TRDN: variants seen among roughly 807,000 people sequenced by gnomAD.
The protein encoded by TRDN is triadin in skeletal muscle.
TRDN carries 161 observed loss-of-function variants against 149.7 expected under a neutral mutation model. That is an observed-to-expected ratio of 1.08 (90% CI 0.95 to 1.23). The LOEUF (loss-of-function observed/expected upper bound fraction) is 1.23. Among genes scored for constraint, TRDN ranks in the 50% most tolerant of loss-of-function variants. The pLI, the probability that TRDN is intolerant of heterozygous loss-of-function variation, is 0.00. For missense variants in TRDN, 896 were observed against 823.5 expected (o/e 1.09, Z -1.08); for synonymous variants, 294 against 250.5 (o/e 1.17, Z -1.64).
intron 1 of TRDN, among the ~76,000 whole-genome samples, chr6:123,588,185 G>A (rs535259009): frequency 8.5e-4 from 130 of 152,280 alleles, no homozygotes; most frequent in East Asian, 3.1e-3. Flanking sequence ...TAGATTTTCC[G>A]CAAGAGACAG....
At chr6:123,551,282 G>C (rs1366437858) in intron 2 of TRDN, among the ~76,000 whole-genome samples, 1 of 144,582 alleles carries the variant, frequency 6.9e-6, no homozygotes, top group Non-Finnish European at 1.5e-5. Flanking sequence ...TTGCTAGCTT[G>C]AGATCAGCTT....
intron 38 of TRDN, among the ~76,000 whole-genome samples, chr6:123,227,407 C>T (rs569205419): frequency 2.2e-4 from 33 of 151,900 alleles, no homozygotes; most frequent in Non-Finnish European, 4.4e-4. Context: ...AATGAAGTCC[C>T]TAGGGGACAC....
intron 24 of TRDN, among the ~76,000 whole-genome samples, chr6:123,314,285 C>G (rs946043074): frequency 6.6e-6 from 1 of 151,922 alleles, no homozygotes; most frequent in Non-Finnish European, 1.5e-5. Flanking sequence ...AAATGCAAAT[C>G]AAAACCCCAA....
chr6:123,503,002 A>T, intron 8 of TRDN: 1 of 985,296 alleles, frequency 1.0e-6, no homozygotes, highest in African/African-American at 1.7e-5. Context: ...TTCACATAGC[A>T]ACCTTCCATA....
intron 24 of TRDN, among the ~76,000 whole-genome samples, chr6:123,311,853 G>C (rs939410810): frequency 7.2e-5 from 11 of 151,952 alleles, no homozygotes; most frequent in Non-Finnish European, 1.3e-4. Flanking sequence ...CAGGATGTAT[G>C]ACAGCGTCAA....
chr6:123,479,924 G>C (rs1777666806), intron 9 of TRDN, among the ~76,000 whole-genome samples: 1 of 151,888 alleles, frequency 6.6e-6, no homozygotes, highest in Non-Finnish European at 1.5e-5. Flanking sequence ...TTTTATTTGA[G>C]GATAACTTAA....
intron 12 of TRDN, 114 bp downstream of exon 12, chr6:123,437,949 G>A (rs1353410298): frequency 2.0e-5 from 18 of 908,358 alleles, no homozygotes; most frequent in South Asian, 4.6e-5. Flanking sequence ...TGACCTTCAC[G>A]TCTTGGGTAG....
At chr6:123,314,654 T>G (rs1450001648) in intron 24 of TRDN, among the ~76,000 whole-genome samples, 9 of 152,028 alleles carry the variant, frequency 5.9e-5, no homozygotes, top group Admixed American at 5.9e-4. Flanking sequence ...CATGGAATAT[T>G]ATGCAGTCAT....
At chr6:123,519,497 G>A (rs1218489491) in intron 5 of TRDN, among the ~76,000 whole-genome samples, 1 of 146,786 alleles carries the variant, frequency 6.8e-6, no homozygotes, top group Non-Finnish European at 1.5e-5. Context: ...TTTTTAAACA[G>A]GGAAAACACT....
chr6:123,454,684 G>C (rs1404586233), intron 10 of TRDN, among the ~76,000 whole-genome samples: 1 of 152,186 alleles, frequency 6.6e-6, no homozygotes, highest in Non-Finnish European at 1.5e-5. Context: ...GAGCATTACT[G>C]CCTGAGCTCC....
chr6:123,428,379 C>T (rs1774208883), intron 12 of TRDN, among the ~76,000 whole-genome samples: 1 of 152,210 alleles, frequency 6.6e-6, no homozygotes, highest in African/African-American at 2.4e-5. Context: ...AGGACATGAA[C>T]AAGAGAGGAT....
intron 9 of TRDN, among the ~76,000 whole-genome samples, chr6:123,478,049 A>T (rs1449238477): frequency 2.0e-5 from 3 of 151,530 alleles, no homozygotes; most frequent in East Asian, 2.0e-4. Flanking sequence ...CCTAAAACTT[A>T]AAGTATAATA....
intron 7 of TRDN, among the ~76,000 whole-genome samples, chr6:123,508,128 A>G (rs1779013969): frequency 6.6e-6 from 1 of 152,174 alleles, no homozygotes; most frequent in Admixed American, 6.6e-5. Context: ...CATAATCTGC[A>G]TGTCTAGAGC....
At chr6:123,239,916 A>G (rs191833332) in intron 38 of TRDN, among the ~76,000 whole-genome samples, 2 of 152,174 alleles carry the variant, frequency 1.3e-5, no homozygotes, top group African/African-American at 2.4e-5. Context: ...TTAAATGTGT[A>G]TGTTCACAAA....
intron 23 of TRDN, among the ~76,000 whole-genome samples, chr6:123,321,374 T>C (rs1198235030): frequency 6.6e-6 from 1 of 152,084 alleles, no homozygotes; most frequent in East Asian, 1.9e-4. Flanking sequence ...ATTTTAAAAT[T>C]AAAAAAAACA....
chr6:123,310,082 CTG>C (rs1438116556), intron 24 of TRDN, among the ~76,000 whole-genome samples: 11 of 152,028 alleles, frequency 7.2e-5, no homozygotes, highest in Non-Finnish European at 1.5e-4. Context: ...GCTTAAAATG[CTG>C]TGTGACATTA....
At chr6:123,309,317 C>T (rs1220815632) in intron 24 of TRDN, among the ~76,000 whole-genome samples, 1 of 151,790 alleles carries the variant, frequency 6.6e-6, no homozygotes, top group African/African-American at 2.4e-5. Context: ...GTCCTCTCCT[C>T]ACCTCTCCCA....
At chr6:123,295,646 C>T (rs1454555966) in intron 24 of TRDN, among the ~76,000 whole-genome samples, 1 of 152,194 alleles carries the variant, frequency 6.6e-6, no homozygotes, top group African/African-American at 2.4e-5. Context: ...CAGAACATCA[C>T]ATTGTACCTC....
intron 2 of TRDN, among the ~76,000 whole-genome samples, chr6:123,569,950 T>A (rs1782478773): frequency 6.6e-6 from 1 of 152,116 alleles, no homozygotes; most frequent in Non-Finnish European, 1.5e-5. Context: ...AACAACAGAG[T>A]TCTATTTTCA....
Sources: allele counts gnomAD v4.1 joint callset (sites outside exome capture counted in the v4.1 genomes callset), GRCh38; gene constraint gnomAD v4.1.1; transcripts MANE v1.5; gene names NCBI Gene and HGNC (gene_info 2026-07-23, HGNC 2026-07-21).